The following RGPD4 variants were observed in gnomAD, a reference collection of about 807,000 sequenced individuals.
RGPD4 encodes the protein RANBP2 like and GRIP domain containing 4.
A neutral mutation model predicts 141.1 loss-of-function variants in RGPD4; 84 were observed. That is an observed-to-expected ratio of 0.60 (90% confidence interval 0.50 to 0.71). RGPD4 has a LOEUF of 0.71. RGPD4 is among the 30% of genes least tolerant of loss of function. The pLI is 0.00. For missense variants in RGPD4, 918 were observed against 1,622.4 expected (o/e 0.57, Z 7.46); for synonymous variants, 298 against 566.8 (o/e 0.53, Z 6.74).
chr2:107,871,013 A>C lies in RGPD4; in HGVS notation c.3009A>C (p.Leu1003Phe). 6.2e-7 allele frequency: 1 copy of C among 1,611,074 alleles called. No individual in the cohort carries two copies. Among genetic ancestry groups the C allele is most frequent in the Non-Finnish European group, 8.5e-7 (1 of 1,179,780 alleles). The change falls in exon 20 of 23, where the codon TTA (leucine) becomes TTC (phenylalanine). Residue 1003 changes from leucine to phenylalanine, a missense_variant. Physicochemically the swap from Leu to Phe is conservative, Grantham distance 22 (BLOSUM62 0). Transcript: ENST00000408999. ...GATTTTCAGGTGCTGGAGAAAAATT[A>C]TTCTCATCACAATGCGGTAAAATGG... is the stretch of plus-strand genomic sequence containing the variant. ...FKGFSGAGEK[L>F]FSSQCGKMAN...
intron 20 of RGPD4, among the ~76,000 whole-genome samples, chr2:107,874,262 T>C (rs1029938560): frequency 6.6e-6 from 1 of 151,202 alleles, no homozygotes; most frequent in Admixed American, 6.6e-5. Flanking sequence ...TTGTGCATGG[T>C]TTAGAAAAAT....
At position 107,859,832 on chromosome 2, in the gene RGPD4, G is replaced by T. The variant is rs752397059; in HGVS notation, c.1745G>T (p.Cys582Phe). ...GCTCTGCTTGTACATTGGGCAAAAT[G>T]CCTTCAGAAAATGGTGAGTTTTAAA... ...QPALLVHWAKCLQKMGSGLNS... is the reference protein window; with the variant it reads ...QPALLVHWAKFLQKMGSGLNS... Residue 582 changes from cysteine (C) to phenylalanine (F), a missense_variant, in exon 12 of 23, where the codon TGC becomes TTC. Cys to Phe is a radical substitution (Grantham distance 205). Coordinates refer to ENST00000408999, the MANE Select transcript of RGPD4 (RefSeq NM_182588.3). The T allele has an allele frequency of 6.3e-6, 10 of 1,599,338 alleles. No individual in the cohort carries two copies. In the South Asian group the frequency reaches 1.0e-4, roughly 16 times the overall value.
At chr2:107,889,983 CATTG>C (rs1168872551) in intron 22 of RGPD4, among the ~76,000 whole-genome samples, 4 of 146,096 alleles carry the variant, frequency 2.7e-5, no homozygotes. Flanking sequence ...CAAGAACAGA[CATTG>C]ATTCATAACA....
intron 8 of RGPD4, 108 bp downstream of exon 8, chr2:107,854,751 A>G: frequency 7.3e-6 from 11 of 1,508,190 alleles, no homozygotes; most frequent in Non-Finnish European, 8.9e-6. Flanking sequence ...TGTCAAAATT[A>G]TTTCTTTTCG....
At chr2:107,861,864 G>A (rs1682553546) in intron 15 of RGPD4, 124 bp downstream of exon 15, 12 of 1,443,976 alleles carry the variant, frequency 8.3e-6, no homozygotes, top group Non-Finnish European at 1.1e-5. Context: ...ATGCACAGAA[G>A]GGATGTGTGT....
intron 9 of RGPD4, among the ~76,000 whole-genome samples, chr2:107,857,633 C>T (rs1476301550): frequency 1.3e-5 from 2 of 151,724 alleles, no homozygotes; most frequent in Non-Finnish European, 2.9e-5. Context: ...CAGGGTCTCC[C>T]TTTGTTGCCC....
chr2:107,859,620 A>C, intron 11 of RGPD4, 66 bp downstream of exon 11: 11 of 1,610,962 alleles, frequency 6.8e-6, no homozygotes, highest in Admixed American at 1.7e-5. Flanking sequence ...TTTAATCCTC[A>C]TGTGAAGATT....
chr2:107,875,027 G>A (rs1683049685), intron 20 of RGPD4, among the ~76,000 whole-genome samples: 1 of 102,720 alleles, frequency 9.7e-6, no homozygotes, highest in South Asian at 3.7e-4. Context: ...GTCATTTGGT[G>A]CAATGGCTTG....
Position 107,891,845 on chromosome 2 carries a change from G to T in RGPD4, c.*1114G>T, listed in dbSNP as rs1675665987. 7.9e-6 allele frequency among the ~76,000 whole-genome samples: 1 copy of T among 126,748 alleles called. No homozygotes were observed. The highest frequency in any genetic ancestry group is 1.8e-5 in the Non-Finnish European group (1 of 56,804). The allele number at this position is 126,748 out of a possible 152,430, so 83.2% of individuals were successfully genotyped here. A position where few individuals can be genotyped will look rare whatever the true frequency, so the allele number is the denominator to read the frequency against. On this transcript the variant is annotated 3_prime_UTR_variant, in exon 23 of 23. Transcript: ENST00000408999. Reference sequence around the variant, plus strand: ...AAGCTTTCCATCAGAAGGGATTTTAGACACCTTAGAGGTCCGTGCTACATC... The same window carrying T: ...AAGCTTTCCATCAGAAGGGATTTTATACACCTTAGAGGTCCGTGCTACATC...
chr2:107,829,990 C>G (rs1681420114), intron 1 of RGPD4, among the ~76,000 whole-genome samples: 1 of 152,086 alleles, frequency 6.6e-6, no homozygotes, highest in African/African-American at 2.4e-5. Context: ...CGTCGAGTGA[C>G]AAGGTAGGCA....
intron 21 of RGPD4, among the ~76,000 whole-genome samples, chr2:107,880,940 G>A (rs1327138574): frequency 6.6e-6 from 1 of 151,730 alleles, no homozygotes; most frequent in Admixed American, 6.6e-5. Flanking sequence ...ACTGCTTGTT[G>A]AGGAGTTCTT....
In RGPD4 at chr2:107,885,673, T is replaced by C. The variant is rs1333670836; in HGVS notation, c.5266+2800T>C. On this transcript the variant is annotated intron_variant, in intron 22 of 22. Transcript: ENST00000408999. ...TTATTTACTACTTGTCTCTTATCAA[T>C]GTGAGTACATAAAAGAGACCTTATT... Among the ~76,000 whole-genome samples the C allele has an allele frequency of 3.9e-5, 6 of 152,274 alleles. No homozygotes were observed. The East Asian group carries it at 1.2e-3, about 29-fold the overall frequency.
chr2:107,857,968 G>A (rs903411687), intron 9 of RGPD4, among the ~76,000 whole-genome samples: 2 of 152,156 alleles, frequency 1.3e-5, no homozygotes, highest in Non-Finnish European at 1.5e-5. Flanking sequence ...CAGCCTGGGC[G>A]ACAGAGCGAG....
intron 22 of RGPD4, among the ~76,000 whole-genome samples, chr2:107,884,812 G>T (rs1250019247): frequency 6.6e-6 from 1 of 151,620 alleles, no homozygotes; most frequent in Non-Finnish European, 1.5e-5. Flanking sequence ...TCCAATTGCT[G>T]GTCCCCAATT....
At chr2:107,827,126 G>A (rs867717599) in intron 1 of RGPD4, 41 bp downstream of exon 1, 3 of 1,556,996 alleles carry the variant, frequency 1.9e-6, no homozygotes, top group Middle Eastern at 2.3e-4. Context: ...CGACCTGGCC[G>A]GGCGGCGGAG....
Position 107,841,312 on chromosome 2 carries a change from T to TA in RGPD4, c.406-1696dup, listed in dbSNP as rs919895491. Among the ~76,000 whole-genome samples, 10 of 83,126 alleles carry TA rather than the reference T, an allele frequency of 1.2e-4. 2 individuals carry two copies. The highest frequency in any genetic ancestry group is 2.9e-4 in the Non-Finnish European group (10 of 33,948). 54.5% of individuals were successfully genotyped at this position (83,126 alleles called of 152,430 possible). On this transcript the variant is annotated intron_variant, in intron 4 of 22. Coordinates refer to ENST00000408999, the MANE Select transcript of RGPD4 (RefSeq NM_182588.3). ...TTCTTTAATAACTTGAAGGCACTGT[T>TA]ACACCTTTCCTGTATCAGATTTTTT...
At chr2:107,828,916 CG>C (rs1477121719) in intron 1 of RGPD4, among the ~76,000 whole-genome samples, 1 of 5,630 alleles carries the variant, frequency 1.8e-4, no homozygotes, top group East Asian at 1.6e-3. Flanking sequence ...GGCCTCGACC[CG>C]GCCCCGCGGC....
At position 107,880,069 on chromosome 2, in the gene RGPD4, G is replaced by A. The variant is rs765472606; in HGVS notation, c.5026G>A (p.Ala1676Thr). Residue 1676 changes from alanine to threonine, a missense_variant, in exon 21 of 23, where the codon GCA (alanine) becomes ACA (threonine). By Grantham distance (58) the Ala-to-Thr change is moderately conservative. Transcript: ENST00000408999. The part of the protein sequence containing the change: ...ADHLNGLLRE[A>T]EATSAVLMEQ... ...TCACTTAAACGGCCTGCTTCGGGAA[G>A]CAGAGGCAACCAGTGCAGTCCTTAT... The A allele has an allele frequency of 9.4e-5, 152 of 1,611,220 alleles. No homozygotes were observed. The highest frequency in any genetic ancestry group is 4.0e-4 in the South Asian group (36 of 90,954).
At position 107,845,414 on chromosome 2, in the gene RGPD4, G is replaced by C. The variant is rs549576019; in HGVS notation, c.782+1684G>C. 2.7e-5 allele frequency among the ~76,000 whole-genome samples: 4 copies of C among 150,506 alleles called. No individual in the cohort carries two copies. In the South Asian group the frequency reaches 8.4e-4, roughly 32 times the overall value. On this transcript the variant is annotated intron_variant, in intron 6 of 22. Transcript: ENST00000408999. ...AAGCCCCAGGAGGGCCCTGAGGACA[G>C]CCCTTGGCCCTCAGAGGGGGAGGCT...
Sources: allele counts gnomAD v4.1 joint callset (sites outside exome capture counted in the v4.1 genomes callset), GRCh38; gene constraint gnomAD v4.1.1; transcripts MANE v1.5; gene names NCBI Gene and HGNC (gene_info 2026-07-23, HGNC 2026-07-21).